The following RBMS3 variants were observed in gnomAD, a reference collection of about 807,000 sequenced individuals.
The protein encoded by RBMS3 is RNA binding motif single stranded interacting protein 3.
In RBMS3, 27 loss-of-function variants were observed where a neutral mutation model predicts 66.8. That is an observed-to-expected ratio of 0.40 (90% CI 0.30 to 0.56). The LOEUF is 0.56. Ranked by LOEUF, RBMS3 falls within the 20% of genes least tolerant of loss-of-function variation. The probability of loss-of-function intolerance (pLI) is 0.40; values close to 1 mark genes in which losing one functional copy is unlikely to be tolerated. For missense variants in RBMS3, 513 were observed against 549.5 expected, an observed-to-expected ratio of 0.93 and a Z score of 0.66; for synonymous variants, 188 against 183.0, an observed-to-expected ratio of 1.03 and a Z score of -0.22.
intron 6 of RBMS3, among the ~76,000 whole-genome samples, chr3:29,858,188 CAT>C (rs1192036111): frequency 6.6e-6 from 1 of 151,950 alleles, no homozygotes; most frequent in South Asian, 2.1e-4. Flanking sequence ...TAATTTTTTA[CAT>C]GTCCTTTTTC....
intron 4 of RBMS3, among the ~76,000 whole-genome samples, chr3:29,687,956 G>T (rs1219504090): frequency 6.6e-6 from 1 of 152,136 alleles, no homozygotes; most frequent in African/African-American, 2.4e-5. Flanking sequence ...GATATGTCTT[G>T]CCACAAAGGA....
intron 1 of RBMS3, among the ~76,000 whole-genome samples, chr3:29,331,381 A>G (rs535508181): frequency 1.3e-5 from 2 of 152,118 alleles, no homozygotes; most frequent in African/African-American, 4.8e-5. Flanking sequence ...ACGAACTCCA[A>G]TATGTAACTT....
At chr3:29,694,578 A>T (rs919541944) in intron 4 of RBMS3, among the ~76,000 whole-genome samples, 1 of 152,186 alleles carries the variant, frequency 6.6e-6, no homozygotes, top group Admixed American at 6.5e-5. Flanking sequence ...GTATATCCGT[A>T]TATGGATGTA....
chr3:29,700,204 A>G (rs1354617410), intron 4 of RBMS3, among the ~76,000 whole-genome samples: 3 of 152,194 alleles, frequency 2.0e-5, no homozygotes, highest in African/African-American at 7.2e-5. Flanking sequence ...AGTATCTGCC[A>G]GTAGATCTAT....
chr3:29,647,740 T>C (rs1011626663), intron 4 of RBMS3, among the ~76,000 whole-genome samples: 4 of 152,196 alleles, frequency 2.6e-5, no homozygotes, highest in Admixed American at 6.5e-5. Flanking sequence ...AGCACTCTGA[T>C]ATAGGCATAT....
chr3:29,433,749 A>T (rs1475952041), intron 1 of RBMS3, among the ~76,000 whole-genome samples: 2 of 152,176 alleles, frequency 1.3e-5, no homozygotes, highest in East Asian at 3.9e-4. Flanking sequence ...TAATTAGTAA[A>T]TATATATCTA....
At chr3:29,829,337 A>C (rs539559218) in intron 6 of RBMS3, among the ~76,000 whole-genome samples, 43 of 152,194 alleles carry the variant, frequency 2.8e-4, no homozygotes, top group African/African-American at 1.0e-3. Context: ...GAGCCACCGC[A>C]CCCAGCAACA....
chr3:29,283,597 C>T (rs961052654), intron 1 of RBMS3, among the ~76,000 whole-genome samples: 5 of 152,006 alleles, frequency 3.3e-5, no homozygotes, highest in African/African-American at 7.2e-5. Context: ...TATAGACAGG[C>T]GGCATCTGGA....
intron 3 of RBMS3, among the ~76,000 whole-genome samples, chr3:29,519,328 G>A (rs965437961): frequency 2.0e-5 from 3 of 152,122 alleles, no homozygotes; most frequent in African/African-American, 7.2e-5. Context: ...ATTCAAGAAG[G>A]GTTAGAAAGG....
intron 3 of RBMS3, among the ~76,000 whole-genome samples, chr3:29,510,629 A>C (rs2044360020): frequency 6.6e-6 from 1 of 152,126 alleles, no homozygotes; most frequent in African/African-American, 2.4e-5. Flanking sequence ...CCAAAAACTC[A>C]AAACCCAAAA....
At chr3:29,774,886 G>T (rs2056366345) in intron 6 of RBMS3, among the ~76,000 whole-genome samples, 1 of 141,406 alleles carries the variant, frequency 7.1e-6, no homozygotes, top group African/African-American at 2.6e-5. Flanking sequence ...TATGTAACAG[G>T]ACTATTATTA....
At chr3:29,713,562 T>C (rs554982755) in intron 4 of RBMS3, among the ~76,000 whole-genome samples, 1 of 152,304 alleles carries the variant, frequency 6.6e-6, no homozygotes, top group South Asian at 2.1e-4. Flanking sequence ...TATTTATACA[T>C]GCACTGATTT....
rs1290362472 is a variant in RBMS3 at position 30,008,586 on chromosome 3, T to TGACA, written c.*4726_*4729dup. 6.6e-6 allele frequency: 1 copy of TGACA among 152,082 alleles called. No individual in the cohort carries two copies. Among genetic ancestry groups the TGACA allele is most frequent in the Non-Finnish European group, 1.5e-5 (1 of 67,970 alleles). The allele number at this position is 152,082 out of a possible 1,614,324, so 9.4% of individuals were successfully genotyped here. A position where few individuals can be genotyped will look rare whatever the true frequency, so the allele number is the denominator to read the frequency against. On this transcript the variant is annotated 3_prime_UTR_variant, in exon 15 of 15. Transcript: ENST00000383767. ...TTCAAAATTTTGAGCTTACTGGGAC[T>TGACA]GACAGCCTCTCACTTCAATCTGAGG...
At chr3:29,760,436 G>A (rs1212578291) in intron 5 of RBMS3, among the ~76,000 whole-genome samples, 1 of 152,034 alleles carries the variant, frequency 6.6e-6, no homozygotes, top group Non-Finnish European at 1.5e-5. Context: ...AGATTGAACA[G>A]GGAGGGGGCT....
intron 6 of RBMS3, among the ~76,000 whole-genome samples, chr3:29,840,315 G>T (rs1263742302): frequency 6.6e-6 from 1 of 151,858 alleles, no homozygotes; most frequent in African/African-American, 2.4e-5. Flanking sequence ...GTACTTAAAA[G>T]ACAATAAAAG....
rs898485118 is a variant in RBMS3, at chr3:29,944,319, T to C, written c.1098+65T>C. 3.6e-6 allele frequency: 5 copies of C among 1,392,954 alleles called. No homozygotes were observed. The African/African-American group carries it at 7.1e-5, about 20-fold the overall frequency. 86.3% of individuals were successfully genotyped at this position (1,392,954 alleles called of 1,614,324 possible). On this transcript the variant is annotated intron_variant, in intron 12 of 14. Coordinates refer to ENST00000383767, the MANE Select transcript of RBMS3 (RefSeq NM_001003793.3). ...GAGAGATGGAGGTTGCCTGGTTTTT[T>C]CCCAAACTCTTTAAAGCAGTGATTC...
rs916160229 is a variant in RBMS3 at position 29,931,874 on chromosome 3, T to C, written c.940-4212T>C. On this transcript the variant is annotated intron_variant, in intron 10 of 14. Transcript: ENST00000383767. ...AGACATGAATAAAAGAATAATGAAA[T>C]AGTGACTTAAAACCACCTTTTTAAA... is the stretch of plus-strand genomic sequence containing the variant. Among the ~76,000 whole-genome samples the C allele has an allele frequency of 4.6e-5, 7 of 152,288 alleles. No homozygotes were observed. The South Asian group carries it at 6.2e-4, about 14-fold the overall frequency.
chr3:29,976,439 T>C (rs751516460), intron 12 of RBMS3, among the ~76,000 whole-genome samples: 9 of 152,150 alleles, frequency 5.9e-5, no homozygotes, highest in Non-Finnish European at 1.0e-4. Context: ...CTCCTTTATA[T>C]ACTAAAACTA....
intron 4 of RBMS3, among the ~76,000 whole-genome samples, chr3:29,704,201 A>C (rs762281572): frequency 1.2e-4 from 18 of 152,164 alleles, no homozygotes; most frequent in Non-Finnish European, 2.5e-4. Flanking sequence ...AATCATCCCA[A>C]AACCATCTCC....
Sources: allele counts gnomAD v4.1 joint callset (sites outside exome capture counted in the v4.1 genomes callset), GRCh38; gene constraint gnomAD v4.1.1; transcripts MANE v1.5; gene names NCBI Gene and HGNC (gene_info 2026-07-23, HGNC 2026-07-21).